ZBP1: variants seen among roughly 807,000 people sequenced by gnomAD.
ZBP1 encodes the protein Z-DNA binding protein 1.
A neutral mutation model predicts 41.1 loss-of-function variants in ZBP1; 42 were observed. That is an observed-to-expected ratio of 1.02 (90% confidence interval 0.80 to 1.32). The LOEUF is 1.32. ZBP1 is among the 40% of genes most tolerant of loss of function. The pLI is 0.00. For synonymous variants in ZBP1, 214 were observed against 205.2 expected, an observed-to-expected ratio of 1.04 and a Z score of -0.37; for missense variants, 562 against 549.7, an observed-to-expected ratio of 1.02 and a Z score of -0.22.
At chr20:57,614,149 C>T (rs2070752834) in intron 4 of ZBP1, among the ~76,000 whole-genome samples, 1 of 152,150 alleles carries the variant, frequency 6.6e-6, no homozygotes, top group African/African-American at 2.4e-5. Flanking sequence ...ATTCTCTTAC[C>T]TCAGCCTCCC....
At chr20:57,606,517 T>C (rs973591223) in intron 7 of ZBP1, among the ~76,000 whole-genome samples, 1 of 152,244 alleles carries the variant, frequency 6.6e-6, no homozygotes, top group Non-Finnish European at 1.5e-5. Context: ...TTAATGTAGA[T>C]GAAACAGCCT....
intron 7 of ZBP1, chr20:57,606,902 C>CA (rs1005415636): frequency 2.2e-4 from 212 of 977,688 alleles, no homozygotes; most frequent in East Asian, 3.4e-4. Context: ...GATTGAGGGC[C>CA]AAAAAAAAAT....
At chr20:57,611,402 G>A (rs1205730230) in intron 6 of ZBP1, among the ~76,000 whole-genome samples, 2 of 89,260 alleles carry the variant, frequency 2.2e-5, no homozygotes, top group Admixed American at 1.3e-4. Context: ...AAGCCACCAT[G>A]CCCGGTTAAT....
chr20:57,613,921 T>A lies in ZBP1; in HGVS notation c.503-591A>T, dbSNP rs993142312. 3.3e-5 allele frequency among the ~76,000 whole-genome samples: 5 copies of A among 151,406 alleles called. No individual in the cohort carries two copies. The highest frequency in any genetic ancestry group is 5.9e-5 in the Non-Finnish European group (4 of 67,574). On this transcript the variant is annotated intron_variant, in intron 4 of 7. Coordinates refer to ENST00000371173, the MANE Select transcript of ZBP1 (RefSeq NM_030776.3). This position sits in a 1 kb window ranked among gnomAD's most constrained non-coding sequence, Gnocchi z 4.5. ...ACCTGCCCAGACTGTGCGGGGCCCA[T>A]CACCACCCTCCAGGGTCTCAGCTCC...
chr20:57,612,554 C>T (rs974847812), intron 5 of ZBP1, among the ~76,000 whole-genome samples: 2 of 148,192 alleles, frequency 1.3e-5, no homozygotes, highest in Non-Finnish European at 3.1e-5. Flanking sequence ...GGGAGTGTCC[C>T]GACTTTGGGG....
Position 57,613,305 on chromosome 20 carries a change from T to C in ZBP1, c.528A>G (p.Ser176=), listed in dbSNP as rs2146580300. The C allele has an allele frequency of 6.2e-7, 1 of 1,614,138 alleles. No individual in the cohort carries two copies. Among genetic ancestry groups the C allele is most frequent in the Non-Finnish European group, 8.5e-7 (1 of 1,180,046 alleles). The part of the protein sequence containing the change: ...RPEDSGRRAK[S]ASIIYQHNPI... The stretch of plus-strand genomic sequence containing the variant: ...GATTGTGCTGGTAAATAATTGAGGC[T>C]GACTTTGCTCTTCTTCCAGAATCTT... Residue 176 remains serine (S), a synonymous_variant, in exon 5 of 8, where the codon TCA becomes TCG. Coordinates refer to ENST00000371173, the MANE Select transcript of ZBP1 (RefSeq NM_030776.3). The surrounding 1 kb of genome is among the most constrained non-coding windows in gnomAD (Gnocchi z 4.5).
chr20:57,618,507 A>G (rs1600748214), intron 1 of ZBP1, among the ~76,000 whole-genome samples: 1 of 146,814 alleles, frequency 6.8e-6, no homozygotes, highest in Admixed American at 6.8e-5. Flanking sequence ...CGCCCACCAA[A>G]CTCCCCCACC....
At chr20:57,615,163 G>A (rs2070784275) in intron 3 of ZBP1, 103 bp from the exon 4 acceptor site, 3 of 1,283,220 alleles carry the variant, frequency 2.3e-6, no homozygotes, top group South Asian at 2.7e-5. Context: ...CTCAAGGCCT[G>A]GTTTCCTCAT....
intron 7 of ZBP1, among the ~76,000 whole-genome samples, chr20:57,609,203 C>A (rs372515924): frequency 1.3e-5 from 2 of 152,236 alleles, no homozygotes; most frequent in South Asian, 4.1e-4. Context: ...TGGCCCTCCC[C>A]ACCTTGCGTG....
chr20:57,616,629 A>G (rs1312487273), intron 1 of ZBP1, 161 bp from the exon 2 acceptor site: 8 of 676,238 alleles, frequency 1.2e-5, no homozygotes, highest in Non-Finnish European at 2.0e-5. Context: ...TAAGAGCAGT[A>G]GGGCAGCTGC....
In ZBP1 at chr20:57,611,681, A is replaced by G. The variant is rs1430829880; in HGVS notation, c.874+46T>C. 2.6e-6 allele frequency: 4 copies of G among 1,561,672 alleles called. No homozygotes were observed. The East Asian group carries it at 9.2e-5, about 36-fold the overall frequency. On this transcript the variant is annotated intron_variant, in intron 6 of 7. Coordinates refer to ENST00000371173, the MANE Select transcript of ZBP1 (RefSeq NM_030776.3). ...CTGGCTCCAGTTCCTTCCAGTGAGG[A>G]CCCACGGGGTGGCAGAGTTGGGTCT...
At position 57,610,606 on chromosome 20, in the gene ZBP1, G is replaced by A. The variant is rs1170252572; in HGVS notation, c.875-239C>T. 3.5e-6 allele frequency: 2 copies of A among 578,260 alleles called. No homozygotes were observed. The highest frequency in any genetic ancestry group is 6.0e-5 in the Admixed American group (2 of 33,150). 35.8% of individuals were successfully genotyped at this position (578,260 alleles called of 1,614,324 possible). ...GATCCCGCAGTGGGTCTGCCCCACTGATCCCGCCCGGCTGATCTGGACGTC... is the reference window on the plus strand; with the variant it reads ...GATCCCGCAGTGGGTCTGCCCCACTAATCCCGCCCGGCTGATCTGGACGTC... On this transcript the variant is annotated intron_variant, in intron 6 of 7. Coordinates refer to ENST00000371173, the MANE Select transcript of ZBP1 (RefSeq NM_030776.3). This position sits in a 1 kb window ranked among gnomAD's most constrained non-coding sequence, Gnocchi z 5.5.
intron 5 of ZBP1, among the ~76,000 whole-genome samples, chr20:57,612,222 T>TG (rs767695497): frequency 2.2e-4 from 34 of 152,180 alleles, no homozygotes; most frequent in Non-Finnish European, 4.3e-4. Flanking sequence ...TCTGACCTCA[T>TG]GGGGACCAAG....
At chr20:57,607,658 C>A (rs2070530777) in intron 7 of ZBP1, among the ~76,000 whole-genome samples, 2 of 152,124 alleles carry the variant, frequency 1.3e-5, no homozygotes, top group African/African-American at 2.4e-5. Context: ...CTGCAGCGAA[C>A]TTCATTGTTG....
chr20:57,610,562 A>G lies in ZBP1; in HGVS notation c.875-195T>C. ...GCTCGTGCTGTTGTGCTGTCTGGGA[A>G]GCGTCTTTCTGCTCCACTGATCCCG... On this transcript the variant is annotated intron_variant, in intron 6 of 7. Transcript: ENST00000371173. This position sits in a 1 kb window ranked among gnomAD's most constrained non-coding sequence, Gnocchi z 5.5. The G allele has an allele frequency of 1.6e-6, 1 of 616,130 alleles. No homozygotes were observed. Among genetic ancestry groups the G allele is most frequent in the Non-Finnish European group, 2.9e-6 (1 of 349,434 alleles). The allele number at this position is 616,130 out of a possible 1,614,324, so 38.2% of individuals were successfully genotyped here.
At chr20:57,617,471 G>C (rs760840886) in intron 1 of ZBP1, 2 of 152,446 alleles carry the variant, frequency 1.3e-5, no homozygotes. Flanking sequence ...ATGGCTCACT[G>C]TTGTACCTTC....
intron 3 of ZBP1, 53 bp from the exon 4 acceptor site, chr20:57,615,113 G>A: frequency 1.9e-6 from 3 of 1,591,736 alleles, no homozygotes; most frequent in Non-Finnish European, 2.6e-6. Context: ...GTTTGCATCT[G>A]CCCCACCGCT....
intron 7 of ZBP1, among the ~76,000 whole-genome samples, chr20:57,609,015 C>T (rs887446750): frequency 1.6e-4 from 24 of 152,236 alleles, no homozygotes; most frequent in Non-Finnish European, 1.5e-5. Context: ...CAGCCCCTCT[C>T]CTGCTCAAAG....
chr20:57,612,845 T>C (rs1454581319), intron 5 of ZBP1: 12 of 1,146,302 alleles, frequency 1.0e-5, no homozygotes, highest in Admixed American at 7.8e-5. Flanking sequence ...CCGGACCCCA[T>C]TGAAAATGAG....
Sources: allele counts gnomAD v4.1 joint callset (sites outside exome capture counted in the v4.1 genomes callset), GRCh38; gene constraint gnomAD v4.1.1; non-coding constraint Gnocchi (gnomAD v3.1); transcripts MANE v1.5; gene names NCBI Gene and HGNC (gene_info 2026-07-23, HGNC 2026-07-21).